The following TMEM196 variants were observed in gnomAD, a reference collection of about 807,000 sequenced individuals.
TMEM196 encodes transmembrane protein 196.
TMEM196 carries 17 observed loss-of-function variants against 20.0 expected under a neutral mutation model. That is an observed-to-expected ratio of 0.85 (90% CI 0.58 to 1.27). TMEM196 has a LOEUF of 1.27. Among genes scored for constraint, TMEM196 ranks in the 50% most tolerant of loss-of-function variants. TMEM196 has a pLI of 0.00. For synonymous variants in TMEM196, 113 were observed against 88.9 expected (o/e 1.27, Z -1.52); for missense variants, 267 against 223.0 (o/e 1.20, Z -1.26).
chr7:19,771,502 A>G (rs538718605), intron 1 of TMEM196, among the ~76,000 whole-genome samples: 65 of 152,280 alleles, frequency 4.3e-4, no homozygotes, highest in Admixed American at 7.2e-4. Flanking sequence ...CGTAATAATC[A>G]TTTTCTTTTA....
chr7:19,735,976 A>G (rs1784385838), intron 1 of TMEM196, among the ~76,000 whole-genome samples: 1 of 152,134 alleles, frequency 6.6e-6, no homozygotes, highest in African/African-American at 2.4e-5. Flanking sequence ...TAAAATGCAT[A>G]GAAAAATCAT....
At chr7:19,742,463 T>G (rs538983834) in intron 1 of TMEM196, among the ~76,000 whole-genome samples, 36 of 152,226 alleles carry the variant, frequency 2.4e-4, no homozygotes, top group African/African-American at 7.9e-4. Flanking sequence ...ATAATAATCC[T>G]GACTTTATGA....
At chr7:19,744,591 T>C (rs1023046605) in intron 1 of TMEM196, among the ~76,000 whole-genome samples, 3 of 152,172 alleles carry the variant, frequency 2.0e-5, no homozygotes, top group African/African-American at 7.2e-5. Context: ...CTGCACTCTA[T>C]CAATATCCCT....
chr7:19,722,239 C>G (rs11764192), intron 4 of TMEM196, 105 bp from the exon 5 acceptor site: 3 of 967,652 alleles, frequency 3.1e-6, no homozygotes, highest in Non-Finnish European at 4.7e-6. Flanking sequence ...GAAAAACTTG[C>G]TAAGTTTTGG....
chr7:19,736,690 A>C (rs1478766970), intron 1 of TMEM196, among the ~76,000 whole-genome samples: 3 of 151,764 alleles, frequency 2.0e-5, no homozygotes, highest in Admixed American at 2.0e-4. Flanking sequence ...TCAGCACTGA[A>C]ATTCTCCTTA....
chr7:19,757,320 C>T lies in TMEM196; in HGVS notation c.147+15230G>A, dbSNP rs186851605. Among the ~76,000 whole-genome samples, 43 of 134,732 alleles carry T rather than the reference C, an allele frequency of 3.2e-4. No individual in the cohort carries two copies. In the East Asian group the frequency reaches 9.2e-3, roughly 29 times the overall value. 88.4% of individuals were successfully genotyped at this position (134,732 alleles called of 152,430 possible). A position where few individuals can be genotyped will look rare whatever the true frequency, so the allele number is the denominator to read the frequency against. On this transcript the variant is annotated intron_variant, in intron 1 of 4. Coordinates refer to ENST00000405844, the MANE Select transcript of TMEM196 (RefSeq NM_001363562.2). ...ACCCAAGTAACTGGGACTATAGGTG[C>T]GTGTCACCACACCCAGCTTTTTTTT...
At chr7:19,729,353 T>C (rs1784114903) in intron 2 of TMEM196, 29 bp downstream of exon 2, 1 of 1,546,438 alleles carries the variant, frequency 6.5e-7, no homozygotes, top group East Asian at 2.5e-5. Flanking sequence ...TACACCTCAA[T>C]GCACAATACA....
At chr7:19,747,197 G>GT (rs1450547200) in intron 1 of TMEM196, among the ~76,000 whole-genome samples, 13 of 150,456 alleles carry the variant, frequency 8.6e-5, no homozygotes, top group Non-Finnish European at 1.8e-4. Context: ...GGAGCTTGCA[G>GT]TTAGCCGAGA....
At chr7:19,763,354 A>C (rs1785504473) in intron 1 of TMEM196, among the ~76,000 whole-genome samples, 1 of 152,208 alleles carries the variant, frequency 6.6e-6, no homozygotes, top group Non-Finnish European at 1.5e-5. Flanking sequence ...ATGGAAAAAT[A>C]ATTGGCAGGG....
chr7:19,742,599 T>G (rs183499292), intron 1 of TMEM196, among the ~76,000 whole-genome samples: 1 of 152,198 alleles, frequency 6.6e-6, no homozygotes, highest in Non-Finnish European at 1.5e-5. Flanking sequence ...CTCTTGGGAA[T>G]GAGGCAGTGT....
intron 1 of TMEM196, among the ~76,000 whole-genome samples, chr7:19,767,298 G>GAAT (rs1303941534): frequency 2.0e-5 from 3 of 152,022 alleles, no homozygotes; most frequent in Non-Finnish European, 4.4e-5. Flanking sequence ...ATGGCCCCCT[G>GAAT]AATAATAACT....
At chr7:19,765,731 T>G (rs1785601967) in intron 1 of TMEM196, among the ~76,000 whole-genome samples, 1 of 152,196 alleles carries the variant, frequency 6.6e-6, no homozygotes, top group Non-Finnish European at 1.5e-5. Flanking sequence ...AAGAGGTGTT[T>G]TATGTTTCCT....
At position 19,763,874 on chromosome 7, in the gene TMEM196, C is replaced by T. The variant is rs1785525459; in HGVS notation, c.147+8676G>A. ...GATAAGTGATAGTATTTCTGTTTTGCAGATGAATTAACTGATTGTTCAGTG... is the reference window on the plus strand; with the variant it reads ...GATAAGTGATAGTATTTCTGTTTTGTAGATGAATTAACTGATTGTTCAGTG... On this transcript the variant is annotated intron_variant, in intron 1 of 4. Transcript: ENST00000405844. Among the ~76,000 whole-genome samples, 3 of 152,126 alleles carry T rather than the reference C, an allele frequency of 2.0e-5. No homozygotes were observed. The South Asian group carries it at 6.2e-4, about 32-fold the overall frequency.
At chr7:19,757,168 G>A (rs1285256569) in intron 1 of TMEM196, among the ~76,000 whole-genome samples, 4 of 141,414 alleles carry the variant, frequency 2.8e-5, no homozygotes, top group African/African-American at 1.1e-4. Flanking sequence ...TTATATTGCA[G>A]TAGATACTTT....
chr7:19,749,755 A>G (rs1784889753), intron 1 of TMEM196, among the ~76,000 whole-genome samples: 1 of 152,136 alleles, frequency 6.6e-6, no homozygotes, highest in Non-Finnish European at 1.5e-5. Flanking sequence ...CCTCACTCAC[A>G]GTTCGTACCT....
chr7:19,725,134 T>C (rs1211429663), intron 3 of TMEM196, among the ~76,000 whole-genome samples: 1 of 152,180 alleles, frequency 6.6e-6, no homozygotes, highest in Admixed American at 6.5e-5. Context: ...ATCTCCTTAA[T>C]AGAACAAGGG....
intron 1 of TMEM196, among the ~76,000 whole-genome samples, chr7:19,760,202 A>G (rs976148057): frequency 1.3e-5 from 2 of 152,076 alleles, no homozygotes; most frequent in African/African-American, 4.8e-5. Context: ...TACTCACGCT[A>G]TTCCTCTGCA....
rs535681974 is a variant in TMEM196 at position 19,731,746 on chromosome 7, A to G, written c.148-2308T>C. Among the ~76,000 whole-genome samples the G allele has an allele frequency of 4.6e-5, 7 of 152,312 alleles. 1 individual carries two copies. In the East Asian group the frequency reaches 1.2e-3, roughly 25 times the overall value. On this transcript the variant is annotated intron_variant, in intron 1 of 4. Coordinates refer to ENST00000405844, the MANE Select transcript of TMEM196 (RefSeq NM_001363562.2). ...ACATCTAGGTGGCAATAAATTTGCTATTTTGTATTATCTCACTTCAATTGG... is the reference window on the plus strand; with the variant it reads ...ACATCTAGGTGGCAATAAATTTGCTGTTTTGTATTATCTCACTTCAATTGG...
chr7:19,770,267 C>T (rs961993501), intron 1 of TMEM196, among the ~76,000 whole-genome samples: 2 of 152,202 alleles, frequency 1.3e-5, no homozygotes, highest in African/African-American at 4.8e-5. Context: ...TTGTTTCCTC[C>T]ACTATGGAGT....
Sources: allele counts gnomAD v4.1 joint callset (sites outside exome capture counted in the v4.1 genomes callset), GRCh38; gene constraint gnomAD v4.1.1; transcripts MANE v1.5; gene names NCBI Gene and HGNC (gene_info 2026-07-23, HGNC 2026-07-21).